The following ADAMTSL1 variants were observed in gnomAD, a reference collection of about 807,000 sequenced individuals.
ADAMTSL1 encodes the protein ADAMTS like 1, also known as ADAMTS-like protein 1.
ADAMTSL1 carries 126 observed loss-of-function variants against 201.8 expected under a neutral mutation model. The observed-to-expected ratio is 0.62, with a 90% CI of 0.54 to 0.72. The LOEUF (loss-of-function observed/expected upper bound fraction) is 0.72. ADAMTSL1 is among the 30% of genes least tolerant of loss of function. ADAMTSL1 has a pLI of 0.00. For missense variants in ADAMTSL1, 2,679 were observed against 2,277.8 expected, an observed-to-expected ratio of 1.18 and a Z score of -3.59; for synonymous variants, 1,121 against 903.4, an observed-to-expected ratio of 1.24 and a Z score of -4.32.
chr9:18,376,417 A>G (rs553854369), intron 2 of ADAMTSL1, among the ~76,000 whole-genome samples: 6 of 152,294 alleles, frequency 3.9e-5, no homozygotes, highest in African/African-American at 1.2e-4. Context: ...TGAGGGAATG[A>G]AGAGAGAAGA....
chr9:18,514,516 G>C lies in ADAMTSL1; in HGVS notation c.191+9560G>C, dbSNP rs1277836211. Reference sequence around the variant, plus strand: ...GGCTACTTTTTTTGTATTTTTAGTAGAGACGGGGTTTCACCGTGTTCACCA... The same window carrying C: ...GGCTACTTTTTTTGTATTTTTAGTACAGACGGGGTTTCACCGTGTTCACCA... On this transcript the variant is annotated intron_variant, in intron 2 of 28. Coordinates refer to ENST00000380548, the MANE Select transcript of ADAMTSL1 (RefSeq NM_001040272.6). Among the ~76,000 whole-genome samples the C allele has an allele frequency of 2.0e-5, 3 of 151,696 alleles. No individual in the cohort carries two copies. In the South Asian group the frequency reaches 6.2e-4, roughly 31 times the overall value.
At chr9:18,027,297 G>A (rs536495726) in intron 1 of ADAMTSL1, among the ~76,000 whole-genome samples, 17 of 151,642 alleles carry the variant, frequency 1.1e-4, no homozygotes, top group East Asian at 5.8e-4. Context: ...TTCTCTAGGC[G>A]CAATTTAGAT....
Position 18,680,343 on chromosome 9 carries a change from T to C in ADAMTSL1, c.1168T>C (p.Ser390Pro), listed in dbSNP as rs754122225. 6.2e-7 allele frequency: 1 copy of C among 1,614,106 alleles called. No homozygotes were observed. Among genetic ancestry groups the C allele is most frequent in the South Asian group, 1.1e-5 (1 of 91,078 alleles). ...WEATPWTACS[S>P]SCGGGIQSRA... is the part of the protein sequence containing the mutation. Reference sequence around the variant, plus strand: ...GGCCACCCCATGGACCGCGTGCTCCTCCTCGTGTGGGGGGGGCATCCAGAG... The same window carrying C: ...GGCCACCCCATGGACCGCGTGCTCCCCCTCGTGTGGGGGGGGCATCCAGAG... Residue 390 changes from serine to proline, a missense_variant, in exon 11 of 29, where the codon TCC becomes CCC. Transcript: ENST00000380548.
intron 26 of ADAMTSL1, among the ~76,000 whole-genome samples, chr9:18,894,637 T>C (rs1829504586): frequency 6.6e-6 from 1 of 151,910 alleles, no homozygotes; most frequent in South Asian, 2.1e-4. Flanking sequence ...AGAGGGTGGA[T>C]TGTTGCTATA....
At chr9:18,466,598 C>T (rs537643700) in intron 2 of ADAMTSL1, among the ~76,000 whole-genome samples, 2 of 152,142 alleles carry the variant, frequency 1.3e-5, no homozygotes, top group African/African-American at 4.8e-5. Context: ...TAATGTTGTA[C>T]ACCATAAATA....
intron 4 of ADAMTSL1, 26 bp downstream of exon 4, chr9:18,574,292 A>G (rs368940078): frequency 2.6e-5 from 42 of 1,586,444 alleles, no homozygotes; most frequent in Middle Eastern, 1.7e-4. Context: ...TTCTCATTCA[A>G]CTTGTCCAGA....
At position 18,112,332 on chromosome 9, in the gene ADAMTSL1, G is replaced by A. The variant is rs369346831; in HGVS notation, c.88-51530G>A. Among the ~76,000 whole-genome samples, 26 of 152,122 alleles carry A rather than the reference G, an allele frequency of 1.7e-4. 2 individuals are homozygous for A. In the South Asian group the frequency reaches 2.7e-3, roughly 16 times the overall value. ...GTGGAGTTAATCTCCCCGAGGGGAC[G>A]TACTCCATTAATAGGTATAGTGTGC... On this transcript the variant is annotated intron_variant, in intron 1 of 29. Transcript: ENST00000680146.
At chr9:18,850,871 A>T (rs1321673378) in intron 23 of ADAMTSL1, among the ~76,000 whole-genome samples, 1 of 152,248 alleles carries the variant, frequency 6.6e-6, no homozygotes, top group African/African-American at 2.4e-5. Context: ...TAAATTAAGC[A>T]AGAAAAAGGA....
intron 2 of ADAMTSL1, among the ~76,000 whole-genome samples, chr9:18,337,803 C>A (rs147588060): frequency 1.5e-4 from 23 of 152,238 alleles, no homozygotes; most frequent in African/African-American, 5.5e-4. Flanking sequence ...GTGATTGTAT[C>A]TTCAAAGAGA....
intron 2 of ADAMTSL1, among the ~76,000 whole-genome samples, chr9:18,295,629 T>A (rs1250687829): frequency 6.6e-6 from 1 of 152,206 alleles, no homozygotes; most frequent in Non-Finnish European, 1.5e-5. Flanking sequence ...TGAGCCACGG[T>A]GCCCGGCTGC....
chr9:18,393,340 A>G (rs1223403338), intron 2 of ADAMTSL1, among the ~76,000 whole-genome samples: 3 of 152,028 alleles, frequency 2.0e-5, no homozygotes, highest in Admixed American at 6.5e-5. Flanking sequence ...TGTTCAGGAG[A>G]GTTCATGGTT....
At chr9:17,947,083 CA>C (rs1170104748) in intron 1 of ADAMTSL1, among the ~76,000 whole-genome samples, 1 of 151,726 alleles carries the variant, frequency 6.6e-6, no homozygotes, top group Non-Finnish European at 1.5e-5. Context: ...GCTTTGCCAC[CA>C]AAATGTTGTT....
chr9:18,554,065 C>G (rs1048076070), intron 3 of ADAMTSL1, among the ~76,000 whole-genome samples: 4 of 151,616 alleles, frequency 2.6e-5, no homozygotes, highest in Admixed American at 1.3e-4. Flanking sequence ...TCAACACTTT[C>G]TCTCATTTAA....
At chr9:18,210,279 A>G (rs1403623857) in intron 2 of ADAMTSL1, among the ~76,000 whole-genome samples, 1 of 151,050 alleles carries the variant, frequency 6.6e-6, no homozygotes, top group African/African-American at 2.4e-5. Context: ...TTAATACTTT[A>G]ATTAAAATTT....
rs534610514 is a variant in ADAMTSL1 at position 18,777,213 on chromosome 9, A to G, written c.2984A>G (p.His995Arg). 8.7e-6 allele frequency: 14 copies of G among 1,612,842 alleles called. No homozygotes were observed. The East Asian group carries it at 2.5e-4, about 28-fold the overall frequency. ...KGGPKEALQT[H>R]KHQNGIFSNG... ...GGCCCGAAGGAGGCCCTGCAGACCC[A>G]CAAACACCAGAACGGGATCTTCTCC... Residue 995 changes from histidine to arginine, a missense_variant, in exon 19 of 29, where the codon CAC (histidine) becomes CGC (arginine). Coordinates refer to ENST00000380548, the MANE Select transcript of ADAMTSL1 (RefSeq NM_001040272.6).
At chr9:18,006,587 T>C (rs1188153162) in intron 1 of ADAMTSL1, among the ~76,000 whole-genome samples, 1 of 151,976 alleles carries the variant, frequency 6.6e-6, no homozygotes, top group East Asian at 1.9e-4. Flanking sequence ...CCAAGTTAGT[T>C]ACGCATGTGA....
At chr9:18,607,700 T>C (rs1416238355) in intron 4 of ADAMTSL1, among the ~76,000 whole-genome samples, 2 of 152,028 alleles carry the variant, frequency 1.3e-5, no homozygotes, top group Non-Finnish European at 2.9e-5. Context: ...TAGCATTAGG[T>C]ATATTTCCTA....
At chr9:18,172,768 A>G (rs1430917898) in intron 2 of ADAMTSL1, among the ~76,000 whole-genome samples, 3 of 152,134 alleles carry the variant, frequency 2.0e-5, no homozygotes, top group Non-Finnish European at 4.4e-5. Context: ...AATAAACACT[A>G]TATAAATAAA....
At chr9:18,035,772 A>G (rs190512387) in intron 1 of ADAMTSL1, among the ~76,000 whole-genome samples, 46 of 152,222 alleles carry the variant, frequency 3.0e-4, no homozygotes, top group Admixed American at 3.0e-3. Context: ...CTCATTGACT[A>G]TTTCGTTATT....
Sources: allele counts gnomAD v4.1 joint callset (sites outside exome capture counted in the v4.1 genomes callset), GRCh38; gene constraint gnomAD v4.1.1; transcripts MANE v1.5; gene names NCBI Gene and HGNC (gene_info 2026-07-23, HGNC 2026-07-21).